The following SV2B variants were observed in gnomAD, a reference collection of about 807,000 sequenced individuals.
The protein encoded by SV2B is synaptic vesicle glycoprotein 2B, also known as solute carrier family 22 member B2.
In SV2B, 41 loss-of-function variants were observed where a neutral mutation model predicts 73.9. The observed-to-expected ratio is 0.56, with a 90% CI of 0.43 to 0.72. The LOEUF is 0.72. Among genes scored for constraint, SV2B ranks in the 30% least tolerant of loss-of-function variants. The pLI, the probability that SV2B is intolerant of heterozygous loss-of-function variation, is 0.00. For missense variants in SV2B, 764 were observed against 857.8 expected (o/e 0.89, Z 1.37); for synonymous variants, 314 against 314.2 (o/e 1.00, Z 0.01).
rs1596493477 is a variant in SV2B at position 91,158,714 on chromosome 15, CT to C, written c.-392+58352del. The stretch of plus-strand genomic sequence containing the variant: ...CTCTTCTCTTCTCTCCTCTCCTCTC[CT>C]CTCCTCTCCTCTCTTCTCCTCTTTT... On this transcript the variant is annotated intron_variant, in intron 1 of 12. Coordinates refer to ENST00000394232, the MANE Select transcript of SV2B (RefSeq NM_001323032.3). Among the ~76,000 whole-genome samples the C allele has an allele frequency of 1.2e-3, 118 of 94,828 alleles. 1 individual carries two copies. The highest frequency in any genetic ancestry group is 4.6e-3 in the Middle Eastern group (1 of 216). 62.2% of individuals were successfully genotyped at this position (94,828 alleles called of 152,430 possible).
At chr15:91,237,863 A>G (rs1017370414) in intron 2 of SV2B, among the ~76,000 whole-genome samples, 1 of 152,226 alleles carries the variant, frequency 6.6e-6, no homozygotes, top group African/African-American at 2.4e-5. Flanking sequence ...AATCTTGTAC[A>G]GTGCTTTACA....
At position 91,141,419 on chromosome 15, in the gene SV2B, C is replaced by G. The variant is rs969476858; in HGVS notation, c.-392+41056C>G. Among the ~76,000 whole-genome samples the G allele has an allele frequency of 6.6e-6, 1 of 152,176 alleles. No individual in the cohort carries two copies. The highest frequency in any genetic ancestry group is 1.5e-5 in the Non-Finnish European group (1 of 68,044). Reference sequence around the variant, plus strand: ...AGTAGTTTAGCTTTCTAACCTGCTCCTAATCCAGGTGATAAGTGAGTTCAT... The same window carrying G: ...AGTAGTTTAGCTTTCTAACCTGCTCGTAATCCAGGTGATAAGTGAGTTCAT... On this transcript the variant is annotated intron_variant, in intron 1 of 12. Transcript: ENST00000394232. The surrounding 1 kb of genome is among the most constrained non-coding windows in gnomAD (Gnocchi z 4.6).
chr15:91,180,213 A>C (rs1394764079), intron 1 of SV2B, among the ~76,000 whole-genome samples: 1 of 152,186 alleles, frequency 6.6e-6, no homozygotes, highest in African/African-American at 2.4e-5. Flanking sequence ...AGAATGTTGA[A>C]TATTGGCCCC....
rs1307500196 is a variant in SV2B at position 91,227,322 on chromosome 15, T to G, written c.451+608T>G. On this transcript the variant is annotated intron_variant, in intron 2 of 12. Coordinates refer to ENST00000394232, the MANE Select transcript of SV2B (RefSeq NM_001323032.3). This position sits in a 1 kb window ranked among gnomAD's most constrained non-coding sequence, Gnocchi z 4.5. ...GATTCTGCAGGATAGAGGACCAGCT[T>G]TGCAAATCAATTAAGAGATCAGCAC... 6.6e-6 allele frequency among the ~76,000 whole-genome samples: 1 copy of G among 152,164 alleles called. No homozygotes were observed.
chr15:91,275,321 T>C (rs989936953), intron 9 of SV2B, among the ~76,000 whole-genome samples: 8 of 152,234 alleles, frequency 5.3e-5, no homozygotes, highest in Non-Finnish European at 1.2e-4. Context: ...GCTTACAATA[T>C]ACATCTTTAA....
chr15:91,189,359 T>C (rs747575259), intron 1 of SV2B, among the ~76,000 whole-genome samples: 12 of 152,192 alleles, frequency 7.9e-5, no homozygotes, highest in Non-Finnish European at 1.6e-4. Context: ...TCATAAAATA[T>C]ATGTATTGTT....
chr15:91,109,157 G>T (rs1330804640), intron 1 of SV2B, among the ~76,000 whole-genome samples: 1 of 152,216 alleles, frequency 6.6e-6, no homozygotes, highest in Non-Finnish European at 1.5e-5. Context: ...GCAGAGAAAA[G>T]AAATGACAGA....
chr15:91,251,782 TTCTC>T, intron 2 of SV2B, 33 bp from the exon 3 acceptor site: 2 of 1,591,712 alleles, frequency 1.3e-6, no homozygotes, highest in Non-Finnish European at 1.7e-6. Context: ...CTTTTGTCTT[TTCTC>T]TCTATTCTCT....
chr15:91,206,001 C>A (rs2045622363), intron 1 of SV2B, among the ~76,000 whole-genome samples: 2 of 151,984 alleles, frequency 1.3e-5, no homozygotes, highest in Admixed American at 1.3e-4. Flanking sequence ...ACACCAGAAA[C>A]AACTACTGTT....
rs1177630291 is a variant in SV2B at position 91,124,728 on chromosome 15, A to G, written c.-392+24365A>G. Among the ~76,000 whole-genome samples, 1 of 151,824 alleles carries G rather than the reference A, an allele frequency of 6.6e-6. No homozygotes were observed. The highest frequency in any genetic ancestry group is 6.6e-5 in the Admixed American group (1 of 15,230). On this transcript the variant is annotated intron_variant, in intron 1 of 12. Transcript: ENST00000394232. The surrounding 1 kb of genome is among the most constrained non-coding windows in gnomAD (Gnocchi z 4.6). ...GAGTGCAGTGGCACTATCTTGGCTC[A>G]CTGCAACCTCCACCTCCTGGGTTCA... is the stretch of plus-strand genomic sequence containing the variant.
intron 6 of SV2B, among the ~76,000 whole-genome samples, chr15:91,260,784 C>T (rs533571747): frequency 3.3e-5 from 5 of 152,082 alleles, no homozygotes; most frequent in Non-Finnish European, 5.9e-5. Context: ...TGGCGGGAGG[C>T]GAAAGGCACT....
intron 1 of SV2B, among the ~76,000 whole-genome samples, chr15:91,191,063 C>CTTTTTTTTTTTTTTTT (rs59849012): frequency 0.015 from 948 of 64,164 alleles, 142 homozygotes; most frequent in East Asian, 0.037. Flanking sequence ...TTTGGTGTTT[C>CTTTTTTTTTTTTTTTT]TTTTTTTTTT....
In SV2B at chr15:91,267,318, C is replaced by T. The variant is rs1426589242; in HGVS notation, c.1120-237C>T. On this transcript the variant is annotated intron_variant, in intron 7 of 12. Coordinates refer to ENST00000394232, the MANE Select transcript of SV2B (RefSeq NM_001323032.3). This position sits in a 1 kb window ranked among gnomAD's most constrained non-coding sequence, Gnocchi z 4.3. ...TGCTTTCAATCACATTCATGGAATG[C>T]TGTGCTCCCGGGGAAAATCCTATTG... is the stretch of plus-strand genomic sequence containing the variant. 2.0e-5 allele frequency among the ~76,000 whole-genome samples: 3 copies of T among 152,194 alleles called. No homozygotes were observed. The highest frequency in any genetic ancestry group is 4.4e-5 in the Non-Finnish European group (3 of 68,028).
chr15:91,104,668 T>C (rs992827621), intron 1 of SV2B, among the ~76,000 whole-genome samples: 2 of 152,192 alleles, frequency 1.3e-5, no homozygotes, highest in Non-Finnish European at 2.9e-5. Flanking sequence ...AGTTTCACTC[T>C]TGTTGCCCAG....
At chr15:91,238,313 A>G (rs2046870866) in intron 2 of SV2B, among the ~76,000 whole-genome samples, 1 of 152,162 alleles carries the variant, frequency 6.6e-6, no homozygotes, top group South Asian at 2.1e-4. Context: ...TAACCTTTAT[A>G]ATGACCTGAA....
chr15:91,157,468 C>T (rs955048325), intron 1 of SV2B, among the ~76,000 whole-genome samples: 3 of 152,124 alleles, frequency 2.0e-5, no homozygotes, highest in Non-Finnish European at 4.4e-5. Flanking sequence ...ATAATTTTGG[C>T]CAGAGTAACA....
rs2047411377 is a variant in SV2B at position 91,249,815 on chromosome 15, A to G, written c.452-2004A>G. On this transcript the variant is annotated intron_variant, in intron 2 of 12. Coordinates refer to ENST00000394232, the MANE Select transcript of SV2B (RefSeq NM_001323032.3). ...TGCAATCCGCCAACACTCAATTATG[A>G]AGAAATAGAAAATCTTAACAAACCA... Among the ~76,000 whole-genome samples the G allele has an allele frequency of 2.0e-5, 3 of 152,318 alleles. No homozygotes were observed. In the South Asian group the frequency reaches 6.2e-4, roughly 32 times the overall value.
At chr15:91,175,476 G>C (rs555179336) in intron 1 of SV2B, among the ~76,000 whole-genome samples, 5 of 151,822 alleles carry the variant, frequency 3.3e-5, no homozygotes, top group Admixed American at 2.6e-4. Flanking sequence ...GGATGGTCTC[G>C]ATCTCCTGAC....
At chr15:91,228,207 G>T (rs2046447461) in intron 2 of SV2B, among the ~76,000 whole-genome samples, 1 of 152,146 alleles carries the variant, frequency 6.6e-6, no homozygotes, top group Non-Finnish European at 1.5e-5. Flanking sequence ...AACTGTGTCA[G>T]ATATAACCCT....
Sources: gnomAD v4.1 joint callset for allele counts (sites outside exome capture counted in the v4.1 genomes callset) on GRCh38, gnomAD v4.1.1 for gene constraint, Gnocchi (gnomAD v3.1) non-coding constraint, MANE v1.5 for transcripts, NCBI Gene and HGNC (gene_info 2026-07-23, HGNC 2026-07-21) for gene names.